The following INF2 variants were observed in gnomAD, a reference collection of about 807,000 sequenced individuals.
INF2 encodes inverted formin 2.
A neutral mutation model predicts 123.5 loss-of-function variants in INF2; 43 were observed. The observed-to-expected ratio is 0.35, with a 90% CI of 0.27 to 0.45. The LOEUF (loss-of-function observed/expected upper bound fraction) is 0.45, where lower values mean the gene tolerates loss of function less well. Ranked by LOEUF, INF2 falls within the 20% of genes least tolerant of loss-of-function variation. The probability of loss-of-function intolerance (pLI) is 1.00; values close to 1 mark genes in which losing one functional copy is unlikely to be tolerated. For missense variants in INF2, 1,453 were observed against 1,682.7 expected (o/e 0.86, Z 2.39); for synonymous variants, 851 against 745.0 (o/e 1.14, Z -2.32).
rs1488839312 is a variant in INF2, at chr14:104,703,085, T to C, written c.392-20T>C. The C allele has an allele frequency of 6.3e-7, 1 of 1,596,128 alleles. No homozygotes were observed. Among genetic ancestry groups the C allele is most frequent in the Non-Finnish European group, 8.6e-7 (1 of 1,164,852 alleles). On this transcript the variant is annotated intron_variant, in intron 2 of 22. Coordinates refer to ENST00000392634, the MANE Select transcript of INF2 (RefSeq NM_022489.4). ...AGGGGTGCATTGGCCCTGCTGAGCCTGCCCACTCCACCCTGGCAGCCCTGG... is the reference window on the plus strand; with the variant it reads ...AGGGGTGCATTGGCCCTGCTGAGCCCGCCCACTCCACCCTGGCAGCCCTGG...
intron 22 of INF2, among the ~76,000 whole-genome samples, chr14:104,716,839 C>T (rs554478128): frequency 1.1e-4 from 16 of 152,300 alleles, no homozygotes; most frequent in Non-Finnish European, 4.4e-5. Flanking sequence ...CACAGGCACA[C>T]GCCACCACGC....
At chr14:104,709,729 C>G in intron 12 of INF2, 24 bp downstream of exon 12, 1 of 1,599,722 alleles carries the variant, frequency 6.3e-7, no homozygotes, top group Non-Finnish European at 8.6e-7. Context: ...CCCTCAGACC[C>G]CAGGGCCTGG....
chr14:104,714,387 T>C lies in INF2; in HGVS notation c.3225T>C (p.Arg1075=). ...GTGGTCCACGGCCCCTGGAGAGGCG[T>C]TCTTCCTGGTATGTGGATGCCAGCG... ...EEGGPRPLER[R]SSWYVDASDV... Residue 1075 remains arginine, a synonymous_variant, in exon 21 of 23, where the codon CGT becomes CGC. Transcript: ENST00000392634. 1 of 1,601,784 alleles carries C rather than the reference T, an allele frequency of 6.2e-7. No homozygotes were observed. Among genetic ancestry groups the C allele is most frequent in the Non-Finnish European group, 8.5e-7 (1 of 1,174,694 alleles).
chr14:104,700,822 C>G, intron 1 of INF2: 10 of 985,318 alleles, frequency 1.0e-5, no homozygotes, highest in Non-Finnish European at 1.2e-5. Flanking sequence ...CCCTCCTCCC[C>G]AGCCACGCTG....
chr14:104,715,489 CTGG>C (rs1890258183), intron 22 of INF2, 149 bp downstream of exon 22: 13 of 790,584 alleles, frequency 1.6e-5, no homozygotes, highest in Non-Finnish European at 2.6e-5. Flanking sequence ...TCCCGCAGCC[CTGG>C]TGGTGGGCTT....
At chr14:104,689,088 C>A, upstream of INF2, 1 of 485,462 alleles carries the variant, frequency 2.1e-6, no homozygotes, top group Non-Finnish European at 2.7e-6. Context: ...GGGGGTCAGG[C>A]AGGGCTGCGG....
chr14:104,710,064 G>A, intron 12 of INF2, 24 bp from the exon 13 acceptor site: 2 of 1,537,132 alleles, frequency 1.3e-6, no homozygotes, highest in Non-Finnish European at 1.8e-6. Flanking sequence ...GCAGGCCACT[G>A]ATCCCTGTCT....
chr14:104,706,285 G>C, intron 6 of INF2, 109 bp downstream of exon 6: 4 of 1,176,764 alleles, frequency 3.4e-6, no homozygotes, highest in Non-Finnish European at 3.5e-6. Context: ...AGACCCTGCT[G>C]TGACCTGGGC....
chr14:104,710,883 G>A (rs1457070262), intron 13 of INF2, 54 bp from the exon 14 acceptor site: 15 of 1,522,912 alleles, frequency 9.8e-6, no homozygotes, highest in African/African-American at 1.4e-5. Flanking sequence ...CACCGCCAGG[G>A]CATCTGGGGG....
chr14:104,713,115 C>A, intron 18 of INF2, 92 bp from the exon 19 acceptor site: 1 of 1,606,612 alleles, frequency 6.2e-7, no homozygotes, highest in Non-Finnish European at 8.5e-7. Flanking sequence ...GTGGGCCCTG[C>A]GCTGCTGCGG....
At chr14:104,688,273 G>C (rs1437030852), upstream of INF2, among the ~76,000 whole-genome samples, 1 of 152,254 alleles carries the variant, frequency 6.6e-6, no homozygotes, top group Non-Finnish European at 1.5e-5. Flanking sequence ...GCAAACTTCC[G>C]GGGCTGGGGC....
At chr14:104,701,889 TGGA>T in intron 2 of INF2, 133 bp downstream of exon 2, 1 of 993,960 alleles carries the variant, frequency 1.0e-6, no homozygotes. Context: ...GAGGGCTTCC[TGGA>T]GGAGGACTGG....
At chr14:104,711,561 G>C in intron 15 of INF2, 68 bp from the exon 16 acceptor site, 1 of 1,399,384 alleles carries the variant, frequency 7.1e-7, no homozygotes, top group Non-Finnish European at 1.0e-6. Flanking sequence ...CTGGGGGAGT[G>C]GGAACAGGGT....
rs1036131975 is a variant in INF2 at position 104,689,748 on chromosome 14, T to A, written c.-10+9T>A. On this transcript the variant is annotated intron_variant, in intron 1 of 22. Coordinates refer to ENST00000392634, the MANE Select transcript of INF2 (RefSeq NM_022489.4). ...GGCCGTTGCCTCACCGGGTAAGTCC[T>A]TGGCCTCGGGGTCCGCTTGGAGCTT... is the stretch of plus-strand genomic sequence containing the variant. 1.0e-6 allele frequency: 1 copy of A among 984,892 alleles called. No homozygotes were observed. Among genetic ancestry groups the A allele is most frequent in the Non-Finnish European group, 1.2e-6 (1 of 829,788 alleles). 61.0% of individuals were successfully genotyped at this position (984,892 alleles called of 1,614,324 possible).
upstream of INF2, chr14:104,689,299 G>T (rs892022744): frequency 6.5e-5 from 63 of 974,440 alleles, no homozygotes; most frequent in Non-Finnish European, 7.4e-5. Flanking sequence ...GTAGGTGGAC[G>T]GGAGGCGGTG....
chr14:104,703,310 C>G lies in INF2; in HGVS notation c.523C>G (p.Gln175Glu). 6.2e-7 allele frequency: 1 copy of G among 1,613,134 alleles called. No homozygotes were observed. Among genetic ancestry groups the G allele is most frequent in the Non-Finnish European group, 8.5e-7 (1 of 1,179,946 alleles). The part of the protein sequence containing the change: ...LDHYKTVCSQ[Q>E]YRFSIVMNEL... ...CTCCCCACAGACGGTGTGCAGCCAGCAGTACCGCTTCAGCATTGTCATGAA... is the reference window on the plus strand; with the variant it reads ...CTCCCCACAGACGGTGTGCAGCCAGGAGTACCGCTTCAGCATTGTCATGAA... The change falls in exon 4 of 23, where the codon CAG becomes GAG. Residue 175 changes from glutamine (Q) to glutamate (E), a missense_variant. Gln to Glu is a conservative substitution (Grantham distance 29). Transcript: ENST00000392634.
At chr14:104,708,085 G>A in intron 8 of INF2, 83 bp downstream of exon 8, 2 of 1,583,566 alleles carry the variant, frequency 1.3e-6, no homozygotes, top group Non-Finnish European at 1.7e-6. Context: ...GTGGCACATG[G>A]AACTTGTGTG....
chr14:104,688,495 C>A (rs1168127596), upstream of INF2, among the ~76,000 whole-genome samples: 5 of 152,266 alleles, frequency 3.3e-5, no homozygotes, highest in African/African-American at 7.2e-5. Context: ...ACACAGCAGG[C>A]CCTCCGGAGA....
chr14:104,686,468 G>A (rs186063395), upstream of INF2, among the ~76,000 whole-genome samples: 334 of 152,020 alleles, frequency 2.2e-3, 1 homozygote, highest in Non-Finnish European at 3.7e-3. Context: ...GTGAACAGAC[G>A]GATGAAGTGT....
Sources: gnomAD v4.1 joint callset for allele counts (sites outside exome capture counted in the v4.1 genomes callset) on GRCh38, gnomAD v4.1.1 for gene constraint, MANE v1.5 for transcripts, NCBI Gene and HGNC (gene_info 2026-07-23, HGNC 2026-07-21) for gene names.